Variants in STOML3 observed in about 807,000 individuals in gnomAD.
The protein encoded by STOML3 is stomatin-like protein 3.
Under a neutral mutation model 29.5 loss-of-function variants are expected in STOML3, and 31 were observed. The observed-to-expected ratio is 1.05, with a 90% CI of 0.79 to 1.42. The LOEUF is 1.42. Ranked by LOEUF, STOML3 falls within the 40% of genes most tolerant of loss-of-function variation. STOML3 has a pLI of 0.00. For synonymous variants in STOML3, 122 were observed against 139.8 expected (o/e 0.87, Z 0.90); for missense variants, 380 against 363.0 (o/e 1.05, Z -0.38).
At chr13:38,968,977 G>C (rs949822245) in intron 5 of STOML3, among the ~76,000 whole-genome samples, 1 of 152,086 alleles carries the variant, frequency 6.6e-6, no homozygotes, top group South Asian at 2.1e-4. Flanking sequence ...TAACTTATCT[G>C]GCTCTCAGTT....
intron 1 of STOML3, among the ~76,000 whole-genome samples, chr13:38,985,151 C>A (rs938919554): frequency 6.6e-6 from 1 of 152,084 alleles, no homozygotes. Flanking sequence ...GGGCAGGGCA[C>A]GGTGGCTCAT....
intron 3 of STOML3, among the ~76,000 whole-genome samples, chr13:38,974,834 T>G (rs1336667405): frequency 6.6e-6 from 1 of 152,192 alleles, no homozygotes; most frequent in Non-Finnish European, 1.5e-5. Context: ...AAGTTCTGTC[T>G]GTTCTGCTTC....
intron 1 of STOML3, among the ~76,000 whole-genome samples, chr13:38,987,981 A>G (rs1336872120): frequency 1.0e-5 from 1 of 100,060 alleles, no homozygotes; most frequent in Non-Finnish European, 1.8e-5. Flanking sequence ...TATATGTTAT[A>G]TATAATATAT....
rs1868969744 is a variant in STOML3 at position 38,990,705 on chromosome 13, G to C, written c.17C>G (p.Ser6Cys). The change falls in exon 1 of 7, where the codon TCT becomes TGT. Residue 6 changes from serine (S) to cysteine (C), a missense_variant. By Grantham distance (112) the Ser-to-Cys change is moderately radical. Coordinates refer to ENST00000379631, the MANE Select transcript of STOML3 (RefSeq NM_145286.3). The part of the protein sequence containing the change: MDSRV[S>C]SPEKQDKENF... ...CTCTTTATCTTGCTTCTCAGGTGAA[G>C]ACACCCTAGAATCCATCTCATTCTT... The C allele has an allele frequency of 6.2e-7, 1 of 1,613,914 alleles. No homozygotes were observed. The highest frequency in any genetic ancestry group is 1.7e-5 in the Admixed American group (1 of 60,014).
At chr13:38,977,809 G>C (rs1354452633) in intron 1 of STOML3, among the ~76,000 whole-genome samples, 7 of 141,336 alleles carry the variant, frequency 5.0e-5, no homozygotes, top group Admixed American at 7.7e-5. Context: ...GCCCAGGCTG[G>C]AGTACAGTGG....
At chr13:38,981,833 A>G (rs1000558908) in intron 1 of STOML3, among the ~76,000 whole-genome samples, 4 of 152,190 alleles carry the variant, frequency 2.6e-5, no homozygotes, top group Non-Finnish European at 5.9e-5. Flanking sequence ...AGTTGGTACA[A>G]TCACCTCAAA....
chr13:38,977,824 C>A (rs1157460470), intron 1 of STOML3, among the ~76,000 whole-genome samples: 1 of 140,170 alleles, frequency 7.1e-6, no homozygotes, highest in Non-Finnish European at 1.5e-5. Flanking sequence ...CAGTGGCGCG[C>A]TCTTGGCTCA....
intron 5 of STOML3, among the ~76,000 whole-genome samples, chr13:38,968,872 G>C (rs1267532652): frequency 1.3e-5 from 2 of 152,082 alleles, no homozygotes; most frequent in Non-Finnish European, 2.9e-5. Context: ...CTTGTACCTG[G>C]TATCAAGCAG....
chr13:38,970,914 C>A (rs1880841185), intron 4 of STOML3, among the ~76,000 whole-genome samples: 1 of 152,106 alleles, frequency 6.6e-6, no homozygotes, highest in Non-Finnish European at 1.5e-5. Context: ...TGTTTTGGAG[C>A]AAATGAGAGA....
rs1215411197 is a variant in STOML3 at position 38,968,396 on chromosome 13, T to A, written c.651+4A>T. 2 of 1,614,114 alleles carry A rather than the reference T, an allele frequency of 1.2e-6. No individual in the cohort carries two copies. The highest frequency in any genetic ancestry group is 1.7e-6 in the Non-Finnish European group (2 of 1,180,002). On this transcript the variant is annotated splice_donor_region_variant and intron_variant, in intron 6 of 6. Coordinates refer to ENST00000379631, the MANE Select transcript of STOML3 (RefSeq NM_145286.3). ...CCTCCATGTGTGAACTGCACAACAC[T>A]TACCTTGGCTCTCGCTTCCCGGGTG...
At chr13:38,967,164 G>T in intron 6 of STOML3, 115 bp from the exon 7 acceptor site, 1 of 871,656 alleles carries the variant, frequency 1.1e-6, no homozygotes, top group Non-Finnish European at 1.7e-6. Flanking sequence ...TGCCACATGT[G>T]TTTCATCTAC....
At chr13:38,980,177 A>C in intron 1 of STOML3, 2 of 1,528,324 alleles carry the variant, frequency 1.3e-6, no homozygotes, top group Non-Finnish European at 1.8e-6. Flanking sequence ...TTCTTCCAAG[A>C]TTTACACTGG....
intron 6 of STOML3, among the ~76,000 whole-genome samples, chr13:38,968,091 A>ATTTTG (rs1033082213): frequency 1.3e-5 from 2 of 152,174 alleles, no homozygotes; most frequent in Admixed American, 6.5e-5. Flanking sequence ...GGAAATTGGT[A>ATTTTG]TTTTGTTTTG....
chr13:38,985,348 G>A (rs1348426223), intron 1 of STOML3, among the ~76,000 whole-genome samples: 7 of 152,044 alleles, frequency 4.6e-5, no homozygotes, highest in East Asian at 1.9e-4. Context: ...ACTTGAAACC[G>A]GGAGGCAGAG....
intron 1 of STOML3, among the ~76,000 whole-genome samples, chr13:38,984,291 G>C (rs1351032638): frequency 6.6e-6 from 1 of 152,142 alleles, no homozygotes; most frequent in Non-Finnish European, 1.5e-5. Context: ...CCTTTGCACA[G>C]GTCTTTGTGT....
At position 38,980,289 on chromosome 13, in the gene STOML3, T is replaced by C. The variant is rs114652777; in HGVS notation, c.53-3492A>G. Reference sequence around the variant, plus strand: ...TGGGGCTGTGAGTGCTGCTGTCACCTTCCCTGCAGGCTCCCAGCTCAGCCT... The same window carrying C: ...TGGGGCTGTGAGTGCTGCTGTCACCCTCCCTGCAGGCTCCCAGCTCAGCCT... On this transcript the variant is annotated intron_variant, in intron 1 of 6. Coordinates refer to ENST00000379631, the MANE Select transcript of STOML3 (RefSeq NM_145286.3). Among the ~76,000 whole-genome samples the C allele has an allele frequency of 7.0e-3, 1,069 of 152,246 alleles. 14 individuals are homozygous for C. Among genetic ancestry groups the C allele is most frequent in the African/African-American group, 0.025 (1,029 of 41,534 alleles).
intron 1 of STOML3, among the ~76,000 whole-genome samples, chr13:38,978,461 C>T (rs887984538): frequency 2.0e-5 from 3 of 152,034 alleles, no homozygotes; most frequent in Non-Finnish European, 2.9e-5. Context: ...GCCCATTTTG[C>T]CTCCTTTTAA....
chr13:38,986,183 C>CA, intron 1 of STOML3, among the ~76,000 whole-genome samples: 1 of 151,174 alleles, frequency 6.6e-6, no homozygotes, highest in Admixed American at 6.6e-5. Flanking sequence ...AACAGAACGG[C>CA]ACCACCACAC....
At chr13:38,970,500 T>TACAGTAA in intron 4 of STOML3, 112 bp from the exon 5 acceptor site, 1 of 843,576 alleles carries the variant, frequency 1.2e-6, no homozygotes, top group Non-Finnish European at 1.9e-6. Flanking sequence ...TAACGACAAC[T>TACAGTAA]CATGCTACAG....
Sources: gnomAD v4.1 joint callset for allele counts (sites outside exome capture counted in the v4.1 genomes callset) on GRCh38, gnomAD v4.1.1 for gene constraint, MANE v1.5 for transcripts, NCBI Gene and HGNC (gene_info 2026-07-23, HGNC 2026-07-21) for gene names.